CWC22: variants seen among roughly 807,000 people sequenced by gnomAD.
The protein encoded by CWC22 is CWC22 spliceosome associated protein.
Under a neutral mutation model 117.2 loss-of-function variants are expected in CWC22, and 53 were observed. That is an observed-to-expected ratio of 0.45 (90% CI 0.36 to 0.57). The LOEUF is 0.57. CWC22 is among the 20% of genes least tolerant of loss of function. The pLI, the probability that CWC22 is intolerant of heterozygous loss-of-function variation, is 0.00. For synonymous variants in CWC22, 360 were observed against 355.6 expected, an observed-to-expected ratio of 1.01 and a Z score of -0.14; for missense variants, 980 against 1,068.8, an observed-to-expected ratio of 0.92 and a Z score of 1.16.
intron 1 of CWC22, among the ~76,000 whole-genome samples, chr2:179,998,282 G>C (rs1479909574): frequency 4.6e-5 from 7 of 152,058 alleles, no homozygotes; most frequent in Non-Finnish European, 8.8e-5. Context: ...AAATCCAAAT[G>C]TATTAATTCT....
At chr2:179,969,732 A>C (rs571122486) in intron 11 of CWC22, among the ~76,000 whole-genome samples, 57 of 152,346 alleles carry the variant, frequency 3.7e-4, no homozygotes, top group African/African-American at 1.3e-3. Context: ...CACAGCAATA[A>C]ATACTTCTCC....
At chr2:179,993,530 TG>T in intron 1 of CWC22, 76 bp from the exon 2 acceptor site, 1 of 540,084 alleles carries the variant, frequency 1.9e-6, no homozygotes, top group Non-Finnish European at 3.3e-6. Context: ...TTCTATACAA[TG>T]GACATTTGAC....
chr2:179,999,304 G>C (rs948031768), intron 1 of CWC22, among the ~76,000 whole-genome samples: 1 of 152,144 alleles, frequency 6.6e-6, no homozygotes, highest in East Asian at 1.9e-4. Context: ...GCATCACTAT[G>C]TGAATTTTAT....
Position 179,986,734 on chromosome 2 carries a change from G to A in CWC22, c.167C>T (p.Ser56Leu). Residue 56 changes from serine (S) to leucine (L), a missense_variant, in exon 4 of 20, where the codon TCA (serine) becomes TTA (leucine). Ser to Leu is a moderately radical substitution (Grantham distance 145). Transcript: ENST00000410053. ...FDYSRSDYEH[S>L]RRGRSYDSSM... The stretch of plus-strand genomic sequence containing the variant: ...ACTATCATAAGAACGTCCTCTTCTT[G>A]AATGCTCATAGTCTGATCTGCTGTA... 1 of 1,608,380 alleles carries A rather than the reference G, an allele frequency of 6.2e-7. No homozygotes were observed. The highest frequency in any genetic ancestry group is 1.3e-5 in the African/African-American group (1 of 74,898).
chr2:179,978,606 A>G (rs1687210831), intron 5 of CWC22, among the ~76,000 whole-genome samples: 2 of 149,444 alleles, frequency 1.3e-5, no homozygotes, highest in Admixed American at 1.3e-4. Flanking sequence ...AGTACATTTA[A>G]TTTATTAGTC....
rs773683273 is a variant in CWC22, at chr2:179,950,574, C to T, written c.2078G>A (p.Ser693Asn). Residue 693 changes from serine to asparagine, a missense_variant, in exon 19 of 20, where the codon AGT (serine) becomes AAT (asparagine). Ser to Asn is a conservative substitution (Grantham distance 46). This residue lies in a region of CWC22 where 306 missense variants were observed against 296.8 expected (regional missense o/e 1.03). Coordinates refer to ENST00000410053, the MANE Select transcript of CWC22 (RefSeq NM_020943.3). ...GCTCTCTTCACTGGAAGACTCTGAA[C>T]TGCTATCACTGCTGTCAGAATCAGA... The part of the protein sequence containing the change: ...SDSDSDSSDS[S>N]SESSSEESDS... The T allele has an allele frequency of 4.3e-6, 7 of 1,613,270 alleles. No individual in the cohort carries two copies. The highest frequency in any genetic ancestry group is 5.9e-6 in the Non-Finnish European group (7 of 1,179,474).
At chr2:179,961,476 T>A (rs1686748776) in intron 13 of CWC22, among the ~76,000 whole-genome samples, 1 of 151,990 alleles carries the variant, frequency 6.6e-6, no homozygotes, top group Non-Finnish European at 1.5e-5. Flanking sequence ...ATATAACAGA[T>A]AATATTAAAC....
Position 179,958,092 on chromosome 2 carries a change from A to T in CWC22, c.1458+930T>A, listed in dbSNP as rs552969862. On this transcript the variant is annotated intron_variant, in intron 14 of 19. Coordinates refer to ENST00000410053, the MANE Select transcript of CWC22 (RefSeq NM_020943.3). ...ACGCCTGTAATCCCACTGCCTTGGG[A>T]GGCCGAGGCAGGCAGATCACCTGAG... 2.6e-5 allele frequency among the ~76,000 whole-genome samples: 4 copies of T among 152,194 alleles called. No individual in the cohort carries two copies. The East Asian group carries it at 7.7e-4, about 29-fold the overall frequency.
At chr2:179,958,363 T>C (rs1220332505) in intron 14 of CWC22, among the ~76,000 whole-genome samples, 1 of 142,688 alleles carries the variant, frequency 7.0e-6, no homozygotes, top group Non-Finnish European at 1.5e-5. Context: ...ATGAAGAAAA[T>C]TATATAAATT....
intron 1 of CWC22, among the ~76,000 whole-genome samples, chr2:179,995,142 A>T (rs1489806261): frequency 6.6e-6 from 1 of 152,174 alleles, no homozygotes; most frequent in African/African-American, 2.4e-5. Context: ...ACAAAAAAAG[A>T]TTACTCTGGG....
chr2:179,976,347 G>T (rs548186111), intron 6 of CWC22, among the ~76,000 whole-genome samples: 3 of 152,232 alleles, frequency 2.0e-5, no homozygotes, highest in East Asian at 3.9e-4. Flanking sequence ...TGAGACACTG[G>T]TATGGTTAAT....
chr2:179,962,029 G>T (rs1194595089), intron 13 of CWC22, among the ~76,000 whole-genome samples: 1 of 152,026 alleles, frequency 6.6e-6, no homozygotes, highest in Non-Finnish European at 1.5e-5. Context: ...CTCTAAACAG[G>T]TGGGGACATG....
Position 179,945,613 on chromosome 2 carries a change from C to G in CWC22, c.2243G>C (p.Arg748Thr). The G allele has an allele frequency of 6.2e-7, 1 of 1,613,174 alleles. No individual in the cohort carries two copies. Residue 748 changes from arginine to threonine, a missense_variant, in exon 20 of 20, where the codon AGA (arginine) becomes ACA (threonine). By Grantham distance (71) the Arg-to-Thr change is moderately conservative. Around this residue, in one of 3 missense-constraint regions of CWC22, gnomAD observed 306 missense variants for 296.8 expected, o/e 1.03. Transcript: ENST00000410053. ...TGTTTCCTGGTGCCCGTGTTCTTGTCTTCTTTCTTTTTGTTTCCTATCATT... is the reference window on the plus strand; with the variant it reads ...TGTTTCCTGGTGCCCGTGTTCTTGTGTTCTTTCTTTTTGTTTCCTATCATT... ...QTNDRKQKER[R>T]QEHGHQETRT...
rs149659120 is a variant in CWC22 at position 179,984,596 on chromosome 2, T to A, written c.206+2099A>T. ...AGGGGTGGATAATATCTGAGAGACA[T>A]CAAAAAAAGATATTGATTTTAGTCA... On this transcript the variant is annotated intron_variant, in intron 4 of 19. Coordinates refer to ENST00000410053, the MANE Select transcript of CWC22 (RefSeq NM_020943.3). Among the ~76,000 whole-genome samples the A allele has an allele frequency of 6.3e-3, 958 of 151,832 alleles. 4 individuals carry two copies. Among genetic ancestry groups the A allele is most frequent in the Middle Eastern group, 0.021 (6 of 292 alleles).
rs201915208 is a variant in CWC22, at chr2:179,978,232, A to C, written c.539T>G (p.Ile180Ser). ...INKVNISNIS[I>S]IIQELLQENI... ...TTCTTGAAGAAGCTCTTGAATAATA[A>C]TACTTATGTTGGAAATGTTGACTTT... The change falls in exon 6 of 20, where the codon ATT becomes AGT. Residue 180 changes from isoleucine (I) to serine (S), a missense_variant. Ile to Ser is a moderately radical substitution (Grantham distance 142). Transcript: ENST00000410053. 1.6e-4 allele frequency: 255 copies of C among 1,571,710 alleles called. 3 individuals are homozygous for C. The Middle Eastern group carries it at 7.7e-3, about 48-fold the overall frequency.
At chr2:179,990,183 CCATTT>C (rs1173293441) in intron 2 of CWC22, among the ~76,000 whole-genome samples, 1 of 152,018 alleles carries the variant, frequency 6.6e-6, no homozygotes, top group Non-Finnish European at 1.5e-5. Context: ...TTAAATTCAA[CCATTT>C]TAAAATTCTG....
chr2:179,990,499 C>T (rs1192316543), intron 2 of CWC22, among the ~76,000 whole-genome samples: 1 of 149,986 alleles, frequency 6.7e-6, no homozygotes, highest in Non-Finnish European at 1.5e-5. Context: ...TGATTAAACA[C>T]ATTAGATTAT....
chr2:179,952,288 A>G (rs558790457), intron 17 of CWC22, among the ~76,000 whole-genome samples, 183 bp downstream of exon 17: 1 of 152,204 alleles, frequency 6.6e-6, no homozygotes, highest in East Asian at 1.9e-4. Context: ...TAAACTAAAA[A>G]CCACCACTAA....
At chr2:179,963,392 G>C (rs992779563) in intron 13 of CWC22, among the ~76,000 whole-genome samples, 15 of 128,628 alleles carry the variant, frequency 1.2e-4, no homozygotes, top group African/African-American at 3.8e-4. Context: ...GCCCAGGCTG[G>C]AGTGCAGTGG....
Sources: gnomAD v4.1 joint callset for allele counts (sites outside exome capture counted in the v4.1 genomes callset) on GRCh38, gnomAD v4.1.1 for gene constraint, gnomAD v4.1.1 regional missense constraint, MANE v1.5 for transcripts, NCBI Gene and HGNC (gene_info 2026-07-23, HGNC 2026-07-21) for gene names.